The following SDK2 variants were observed in gnomAD, a reference collection of about 807,000 sequenced individuals.
SDK2 encodes the protein protein sidekick-2.
In SDK2, 105 loss-of-function variants were observed where a neutral mutation model predicts 253.9. The ratio of observed to expected loss-of-function variants is 0.41; its 90% CI spans 0.35 to 0.49. The LOEUF (loss-of-function observed/expected upper bound fraction) is 0.49, where lower values mean the gene tolerates loss of function less well. SDK2 is among the 20% of genes least tolerant of loss of function. The probability of loss-of-function intolerance (pLI) is 0.06; values close to 1 mark genes in which losing one functional copy is unlikely to be tolerated. For missense variants in SDK2, 2,608 were observed against 3,003.0 expected (o/e 0.87, Z 3.07); for synonymous variants, 1,249 against 1,234.9 (o/e 1.01, Z -0.24).
chr17:73,559,293 C>T (rs1482060313), intron 1 of SDK2, among the ~76,000 whole-genome samples: 1 of 152,012 alleles, frequency 6.6e-6, no homozygotes, highest in Non-Finnish European at 1.5e-5. Context: ...TGGGTTTCCT[C>T]GCTGGTAAAG....
chr17:73,456,490 CG>C (rs1445297156), intron 3 of SDK2, among the ~76,000 whole-genome samples: 10 of 152,026 alleles, frequency 6.6e-5, no homozygotes, highest in Non-Finnish European at 1.0e-4. Context: ...TTCAGCATGG[CG>C]GGGGTTCCTG....
At position 73,430,528 on chromosome 17, in the gene SDK2, G is replaced by A. The variant is rs546473839; in HGVS notation, c.1566C>T (p.Asp522=). 8.1e-6 allele frequency: 13 copies of A among 1,608,624 alleles called. No individual in the cohort carries two copies. The Admixed American group carries it at 1.7e-4, about 21-fold the overall frequency. The change falls in exon 12 of 45, where the codon GAC becomes GAT. Residue 522 remains aspartate, a synonymous_variant. Transcript: ENST00000392650. ...QASMVCGVTH[D]PRVTIRYIWE... Reference sequence around the variant, plus strand: ...GCCAGTACCTGATGGTTACTCGGGGGTCGTGGGTCACTCCGCACACCATGG... The same window carrying A: ...GCCAGTACCTGATGGTTACTCGGGGATCGTGGGTCACTCCGCACACCATGG...
At chr17:73,551,576 C>G (rs1426346120) in intron 1 of SDK2, among the ~76,000 whole-genome samples, 1 of 152,174 alleles carries the variant, frequency 6.6e-6, no homozygotes, top group Non-Finnish European at 1.5e-5. Flanking sequence ...TTTTCTCAAC[C>G]TAACCCCTCC....
chr17:73,358,170 C>A lies in SDK2; in HGVS notation c.5502G>T (p.Val1834=). The A allele has an allele frequency of 6.2e-7, 1 of 1,610,158 alleles. No homozygotes were observed. Among genetic ancestry groups the A allele is most frequent in the African/African-American group, 1.3e-5 (1 of 74,844 alleles). The change falls in exon 40 of 45, where the codon GTG becomes GTT. Residue 1834 remains valine (V), a synonymous_variant. Transcript: ENST00000392650. Reference sequence around the variant, plus strand: ...GAATGGCGATGGCAGAGCTGTACCGCACGATGATGGGCACGCCAGGCGGTC... The same window carrying A: ...GAATGGCGATGGCAGAGCTGTACCGAACGATGATGGGCACGCCAGGCGGTC... ...APGPPGVPII[V]RYSSAIAIHW... is the part of the protein sequence containing the mutation.
At position 73,401,667 on chromosome 17, in the gene SDK2, A is replaced by G. The variant is rs763571312; in HGVS notation, c.2766T>C (p.Asn922=). ...TGCAGTGCCTACCTGTGAGGATGCC[A>G]TTTTTCTCTCCCGGCTCTTGCCAGC... is the stretch of plus-strand genomic sequence containing the variant. ...KVSWQEPGEK[N]GILTGYRISW... is the part of the protein sequence containing the mutation. The change falls in exon 20 of 45, where the codon AAT becomes AAC. Residue 922 remains asparagine, a synonymous_variant. Transcript: ENST00000392650. 6.3e-7 allele frequency: 1 copy of G among 1,591,016 alleles called. No individual in the cohort carries two copies.
chr17:73,348,589 C>T lies in SDK2; in HGVS notation c.6165+10G>A, dbSNP rs201583539. ...GCCCCCTGCAGGACACCTGGCCCTC[C>T]TGCCCTCACCTGAGAGTCGGAGATT... On this transcript the variant is annotated intron_variant, in intron 44 of 44. Coordinates refer to ENST00000392650, the MANE Select transcript of SDK2 (RefSeq NM_001144952.2). 6 of 1,611,684 alleles carry T rather than the reference C, an allele frequency of 3.7e-6. No homozygotes were observed. In the South Asian group the frequency reaches 5.5e-5, roughly 15 times the overall value.
chr17:73,474,957 G>A (rs1567794251), intron 2 of SDK2, among the ~76,000 whole-genome samples: 1 of 152,160 alleles, frequency 6.6e-6, no homozygotes, highest in African/African-American at 2.4e-5. Flanking sequence ...GACCATGTTT[G>A]CCTAGCAGAT....
At chr17:73,357,968 G>C in intron 40 of SDK2, 111 bp downstream of exon 40, 1 of 1,521,168 alleles carries the variant, frequency 6.6e-7, no homozygotes. Flanking sequence ...ACCTGTAGTA[G>C]CACAAGCGCC....
chr17:73,595,677 G>A (rs1043458212), intron 1 of SDK2, among the ~76,000 whole-genome samples: 3 of 152,226 alleles, frequency 2.0e-5, no homozygotes, highest in African/African-American at 4.8e-5. Flanking sequence ...GGAAGCTGGG[G>A]TGCGGGGAGT....
At position 73,379,894 on chromosome 17, in the gene SDK2, C is replaced by T. The variant is rs1304437634; in HGVS notation, c.4763-345G>A. 6.6e-6 allele frequency among the ~76,000 whole-genome samples: 1 copy of T among 152,088 alleles called. No individual in the cohort carries two copies. The highest frequency in any genetic ancestry group is 1.5e-5 in the Non-Finnish European group (1 of 68,018). On this transcript the variant is annotated intron_variant, in intron 34 of 44. Transcript: ENST00000392650. The surrounding 1 kb of genome is among the most constrained non-coding windows in gnomAD (Gnocchi z 4.5). ...GGGCATGCCTGGACATAGGGTCACC[C>T]CCTACCCCCAGCCTGTCCTCTTTCC...
chr17:73,380,903 C>G lies in SDK2; in HGVS notation c.4753G>C (p.Glu1585Gln). Residue 1585 changes from glutamate (E) to glutamine (Q), a missense_variant, in exon 34 of 45, where the codon GAG (glutamate) becomes CAG (glutamine). This residue lies in a region of SDK2 where 1,103 missense variants were observed against 1,143.9 expected (regional missense o/e 0.96). Coordinates refer to ENST00000392650, the MANE Select transcript of SDK2 (RefSeq NM_001144952.2). Reference sequence around the variant, plus strand: ...ATGCAAGGAGACTTACTGTCCAGCTCGTACTGCGTGAGGCTGGGCCGGCTC... The same window carrying G: ...ATGCAAGGAGACTTACTGTCCAGCTGGTACTGCGTGAGGCTGGGCCGGCTC... ...NLSRPSLTQYELDNLNKHRRY... is the reference protein window; with the variant it reads ...NLSRPSLTQYQLDNLNKHRRY... 1 of 1,508,068 alleles carries G rather than the reference C, an allele frequency of 6.6e-7. No homozygotes were observed. Among genetic ancestry groups the G allele is most frequent in the Non-Finnish European group, 8.9e-7 (1 of 1,118,702 alleles). The allele number at this position is 1,508,068 out of a possible 1,614,324, so 93.4% of individuals were successfully genotyped here.
chr17:73,545,375 C>T (rs994375156), intron 1 of SDK2, among the ~76,000 whole-genome samples: 5 of 152,026 alleles, frequency 3.3e-5, no homozygotes, highest in East Asian at 3.9e-4. Flanking sequence ...GTGATTGTGT[C>T]GCCACCTCAG....
intron 1 of SDK2, among the ~76,000 whole-genome samples, chr17:73,569,768 C>T (rs2045357934): frequency 6.6e-6 from 1 of 151,970 alleles, no homozygotes; most frequent in South Asian, 2.1e-4. Flanking sequence ...CAATCCCACT[C>T]ACATTGGTAG....
chr17:73,559,188 A>G (rs1165798740), intron 1 of SDK2, among the ~76,000 whole-genome samples: 2 of 152,158 alleles, frequency 1.3e-5, no homozygotes, highest in Non-Finnish European at 2.9e-5. Context: ...GTTCCAGTCA[A>G]TGGGGCAGAG....
At chr17:73,513,077 A>G (rs957370421) in intron 1 of SDK2, among the ~76,000 whole-genome samples, 1 of 151,898 alleles carries the variant, frequency 6.6e-6, no homozygotes, top group African/African-American at 2.4e-5. Context: ...CTTTCTAAGT[A>G]CTATGCAAGC....
At chr17:73,584,316 T>C (rs1460556297) in intron 1 of SDK2, among the ~76,000 whole-genome samples, 3 of 152,000 alleles carry the variant, frequency 2.0e-5, no homozygotes, top group Non-Finnish European at 4.4e-5. Flanking sequence ...GCTACAGGGG[T>C]GGGAAGCTGC....
Position 73,419,166 on chromosome 17 carries a change from CTGA to C in SDK2, c.2183_2185del (p.Ile728del). 6.2e-7 allele frequency: 1 copy of C among 1,611,766 alleles called. No homozygotes were observed. The highest frequency in any genetic ancestry group is 8.5e-7 in the Non-Finnish European group (1 of 1,179,154). On this transcript the variant is annotated inframe_deletion and splice_region_variant, in exon 16 of 45. Coordinates refer to ENST00000392650, the MANE Select transcript of SDK2 (RefSeq NM_001144952.2). ...TCCTGTCCCCAGGGTGGACACCCAC[CTGA>C]TGATGTAACCCTTGAGAATTCCATT...
intron 4 of SDK2, among the ~76,000 whole-genome samples, chr17:73,448,799 T>G (rs2063471937): frequency 6.6e-6 from 1 of 152,062 alleles, no homozygotes; most frequent in African/African-American, 2.4e-5. Context: ...TAGCTGGGAT[T>G]ACAGGTGCAT....
chr17:73,346,070 G>A (rs1315565641), intron 44 of SDK2, among the ~76,000 whole-genome samples: 1 of 152,066 alleles, frequency 6.6e-6, no homozygotes, highest in Non-Finnish European at 1.5e-5. Context: ...ACTGGGCATG[G>A]TGGCACACGC....
Sources: gnomAD v4.1 joint callset for allele counts (sites outside exome capture counted in the v4.1 genomes callset) on GRCh38, gnomAD v4.1.1 for gene constraint, gnomAD v4.1.1 regional missense constraint, Gnocchi (gnomAD v3.1) non-coding constraint, MANE v1.5 for transcripts, NCBI Gene and HGNC (gene_info 2026-07-23, HGNC 2026-07-21) for gene names.